UBE2F: variants seen among roughly 807,000 people sequenced by gnomAD.
UBE2F encodes the protein ubiquitin conjugating enzyme E2 F (putative).
Under a neutral mutation model 29.6 loss-of-function variants are expected in UBE2F, and 5 were observed. The ratio of observed to expected loss-of-function variants is 0.17; its 90% CI spans 0.09 to 0.36. UBE2F has a LOEUF of 0.36. UBE2F is among the 10% of genes least tolerant of loss of function. The pLI is 1.00. For synonymous variants in UBE2F, 66 were observed against 81.8 expected (o/e 0.81, Z 1.04); for missense variants, 141 against 228.5 (o/e 0.62, Z 2.47).
At chr2:237,993,606 A>T (rs1484594585) in intron 3 of UBE2F, among the ~76,000 whole-genome samples, 1 of 152,164 alleles carries the variant, frequency 6.6e-6, no homozygotes, top group Non-Finnish European at 1.5e-5. Context: ...CCTGCTACTC[A>T]GGAGGCTGAG....
intron 9 of UBE2F, among the ~76,000 whole-genome samples, chr2:238,039,773 G>A (rs112029986): frequency 3.9e-5 from 6 of 152,308 alleles, no homozygotes; most frequent in South Asian, 2.1e-4. Flanking sequence ...CATGGACGCC[G>A]GGCTCTATGC....
At chr2:237,973,762 T>C (rs2063218790) in intron 2 of UBE2F, 1 of 1,191,136 alleles carries the variant, frequency 8.4e-7, no homozygotes, top group Non-Finnish European at 1.1e-6. Context: ...GGAGAAACTT[T>C]ATCCTTGGAG....
chr2:237,998,851 A>G (rs1196772436), intron 4 of UBE2F, among the ~76,000 whole-genome samples: 1 of 152,116 alleles, frequency 6.6e-6, no homozygotes, highest in African/African-American at 2.4e-5. Flanking sequence ...TGCATTTCCC[A>G]GTGACAGATG....
intron 4 of UBE2F, among the ~76,000 whole-genome samples, chr2:238,004,940 C>A (rs1199428406): frequency 2.6e-5 from 4 of 152,170 alleles, no homozygotes; most frequent in Non-Finnish European, 5.9e-5. Flanking sequence ...CAGCTTCTGA[C>A]CGCTGATAGT....
At chr2:238,038,238 G>A (rs763683059) in intron 9 of UBE2F, among the ~76,000 whole-genome samples, 2 of 152,350 alleles carry the variant, frequency 1.3e-5, no homozygotes, top group East Asian at 1.9e-4. Flanking sequence ...TTCTGAGGCT[G>A]GTGTGCTGCC....
chr2:237,985,139 T>G (rs752615187), intron 2 of UBE2F, among the ~76,000 whole-genome samples: 8 of 152,184 alleles, frequency 5.3e-5, no homozygotes, highest in Non-Finnish European at 1.0e-4. Flanking sequence ...AGGTCCAATA[T>G]GCTGCTTTGA....
intron 4 of UBE2F, among the ~76,000 whole-genome samples, chr2:238,014,256 G>A (rs1304274167): frequency 6.6e-6 from 1 of 152,198 alleles, no homozygotes; most frequent in Non-Finnish European, 1.5e-5. Context: ...AAGCAGATTT[G>A]GATCAGGTCT....
intron 3 of UBE2F, among the ~76,000 whole-genome samples, chr2:237,989,464 C>G (rs148346638): frequency 6.6e-6 from 1 of 151,954 alleles, no homozygotes; most frequent in Non-Finnish European, 1.5e-5. Context: ...GTGATTCTTG[C>G]GCCTCAGCCT....
intron 5 of UBE2F, among the ~76,000 whole-genome samples, chr2:238,018,020 G>A (rs1343005699): frequency 4.6e-5 from 7 of 152,224 alleles, no homozygotes; most frequent in African/African-American, 7.2e-5. Flanking sequence ...TATGGGGATA[G>A]GGAAGAGTTG....
intron 2 of UBE2F, among the ~76,000 whole-genome samples, chr2:237,984,667 G>T (rs1243507580): frequency 1.3e-5 from 2 of 152,192 alleles, no homozygotes; most frequent in Non-Finnish European, 2.9e-5. Flanking sequence ...ACGTTGCCGG[G>T]TCAGTTATTT....
chr2:238,003,457 C>T (rs2063839544), intron 4 of UBE2F: 1 of 469,234 alleles, frequency 2.1e-6, no homozygotes, highest in Admixed American at 2.4e-5. Context: ...TCTGTTCTCA[C>T]ATTGGTCTGT....
intron 1 of UBE2F, among the ~76,000 whole-genome samples, chr2:237,970,745 A>T (rs1380240674): frequency 6.6e-6 from 1 of 152,056 alleles, no homozygotes; most frequent in Non-Finnish European, 1.5e-5. Flanking sequence ...ATGCGGTTTC[A>T]CTCTTGTTGC....
intron 9 of UBE2F, 117 bp downstream of exon 9, chr2:238,036,057 C>T (rs147700946): frequency 3.3e-6 from 3 of 919,774 alleles, no homozygotes; most frequent in African/African-American, 1.7e-5. Context: ...GGATGCAAGG[C>T]TGGAATTCAA....
chr2:237,974,202 G>C (rs549718417), intron 2 of UBE2F, among the ~76,000 whole-genome samples: 81 of 150,448 alleles, frequency 5.4e-4, no homozygotes, highest in Non-Finnish European at 1.0e-3. Flanking sequence ...TTGTTGTCCA[G>C]GCTAGAGTGC....
At chr2:238,002,833 T>C (rs935576814) in intron 4 of UBE2F, among the ~76,000 whole-genome samples, 5 of 151,958 alleles carry the variant, frequency 3.3e-5, no homozygotes, top group South Asian at 4.2e-4. Context: ...GGTTTCCCCA[T>C]GTTGGCCAGG....
intron 2 of UBE2F, among the ~76,000 whole-genome samples, chr2:237,978,326 G>T (rs781473974): frequency 2.0e-5 from 3 of 152,228 alleles, no homozygotes; most frequent in Non-Finnish European, 4.4e-5. Context: ...TGTGGGCTCT[G>T]ATGTGGTGCA....
intron 1 of UBE2F, chr2:237,968,719 A>AG (rs2063111338): frequency 3.1e-6 from 1 of 318,792 alleles, no homozygotes; most frequent in Admixed American, 6.5e-5. Context: ...TCCCACCCAG[A>AG]GGAGGAACCT....
At chr2:238,020,642 A>G (rs1291855332) in intron 5 of UBE2F, among the ~76,000 whole-genome samples, 1 of 152,214 alleles carries the variant, frequency 6.6e-6, no homozygotes, top group African/African-American at 2.4e-5. Flanking sequence ...AAAAATGTCC[A>G]TTTGGAATCC....
intron 2 of UBE2F, among the ~76,000 whole-genome samples, chr2:237,983,755 C>T (rs985535213): frequency 5.3e-5 from 8 of 152,122 alleles, no homozygotes; most frequent in African/African-American, 1.2e-4. Flanking sequence ...GTTTTGAATG[C>T]GAATCAGCAA....
Sources: allele counts gnomAD v4.1 joint callset (sites outside exome capture counted in the v4.1 genomes callset), GRCh38; gene constraint gnomAD v4.1.1; transcripts MANE v1.5; gene names NCBI Gene and HGNC (gene_info 2026-07-23, HGNC 2026-07-21).